The following DAB1 variants were observed in gnomAD, a reference collection of about 807,000 sequenced individuals.
DAB1 encodes the protein DAB adaptor protein 1, also known as disabled homolog 1.
In DAB1, 15 loss-of-function variants were observed where a neutral mutation model predicts 64.6. The observed-to-expected ratio is 0.23, with a 90% CI of 0.16 to 0.36. DAB1 has a LOEUF of 0.36. DAB1 is among the 10% of genes least tolerant of loss of function. DAB1 has a pLI of 1.00. For synonymous variants in DAB1, 235 were observed against 251.9 expected (o/e 0.93, Z 0.64); for missense variants, 596 against 706.7 (o/e 0.84, Z 1.78).
At chr1:57,154,794 A>G (rs553243093) in intron 2 of DAB1, among the ~76,000 whole-genome samples, 1 of 152,198 alleles carries the variant, frequency 6.6e-6, no homozygotes, top group African/African-American at 2.4e-5. Flanking sequence ...CTGATGATCA[A>G]TGACATTGAG....
At chr1:58,499,665 AAAGT>A (rs1329059701) in intron 3 of DAB1, among the ~76,000 whole-genome samples, 1 of 152,204 alleles carries the variant, frequency 6.6e-6, no homozygotes, top group African/African-American at 2.4e-5. Context: ...CTTGCCACAA[AAAGT>A]AAGTATGTGA....
At position 58,450,412 on chromosome 1, in the gene DAB1, C is replaced by G. The variant is rs368410534; in HGVS notation, n.257+55648G>C. Among the ~76,000 whole-genome samples, 19 of 152,214 alleles carry G rather than the reference C, an allele frequency of 1.2e-4. No individual in the cohort carries two copies. In the East Asian group the frequency reaches 3.1e-3, roughly 25 times the overall value. ...CCGGGAGGTGGAGCTCAATTTCTTT[C>G]CCCCCAATGTGTGGGCTGGATTTAG... On this transcript the variant is annotated intron_variant and non_coding_transcript_variant, in intron 3 of 20. Coordinates refer to the DAB1 transcript ENST00000485760.
chr1:57,806,377 C>T (rs949836286), intron 6 of DAB1, among the ~76,000 whole-genome samples: 1 of 152,164 alleles, frequency 6.6e-6, no homozygotes, highest in Non-Finnish European at 1.5e-5. Flanking sequence ...ATGAGACTGA[C>T]GTCCTTGTGA....
chr1:57,325,945 A>G (rs1676112332), intron 1 of DAB1, among the ~76,000 whole-genome samples: 1 of 152,158 alleles, frequency 6.6e-6, no homozygotes, highest in African/African-American at 2.4e-5. Flanking sequence ...TTGTTTCACA[A>G]ATGAATTCGA....
intron 7 of DAB1, among the ~76,000 whole-genome samples, chr1:57,532,070 C>T (rs996668070): frequency 6.6e-6 from 1 of 152,090 alleles, no homozygotes; most frequent in Non-Finnish European, 1.5e-5. Flanking sequence ...ATTCAATAGG[C>T]TTCTAAAATT....
chr1:57,694,451 C>G (rs1199614821), intron 6 of DAB1, among the ~76,000 whole-genome samples: 1 of 151,924 alleles, frequency 6.6e-6, no homozygotes. Context: ...TCACTGGTCA[C>G]GGCAGATAAT....
Position 57,416,216 on chromosome 1 carries a change from C to T in DAB1, c.-137+7714G>A, listed in dbSNP as rs1684481309. ...GACAATAAGAGAAGAAAATGTCACC[C>T]ACATATGACTTATGTTTAAGGTGAT... is the stretch of plus-strand genomic sequence containing the variant. On this transcript the variant is annotated intron_variant, in intron 1 of 14. Transcript: ENST00000371236. 8.5e-5 allele frequency among the ~76,000 whole-genome samples: 13 copies of T among 152,212 alleles called. No individual in the cohort carries two copies. In the South Asian group the frequency reaches 2.7e-3, roughly 32 times the overall value.
chr1:58,433,851 T>A (rs1201957505), intron 3 of DAB1, among the ~76,000 whole-genome samples: 1 of 152,062 alleles, frequency 6.6e-6, no homozygotes, highest in Non-Finnish European at 1.5e-5. Flanking sequence ...TATAAATTTT[T>A]TAGCACATAA....
intron 7 of DAB1, among the ~76,000 whole-genome samples, chr1:57,614,852 C>G (rs1054229967): frequency 9.2e-5 from 4 of 43,364 alleles, no homozygotes; most frequent in Non-Finnish European, 2.0e-4. Context: ...TTTTTGCCTT[C>G]TTTCTTTCTT....
At chr1:57,543,405 TC>T (rs967130539) in intron 7 of DAB1, among the ~76,000 whole-genome samples, 3 of 152,164 alleles carry the variant, frequency 2.0e-5, no homozygotes, top group African/African-American at 4.8e-5. Flanking sequence ...CACAATCATG[TC>T]CATCCGACTC....
chr1:57,409,146 G>T (rs1050586444), intron 1 of DAB1, among the ~76,000 whole-genome samples: 3 of 152,094 alleles, frequency 2.0e-5, no homozygotes, highest in African/African-American at 7.2e-5. Context: ...TCCTCCAAAG[G>T]TTCCACCTGC....
intron 5 of DAB1, among the ~76,000 whole-genome samples, chr1:57,998,591 C>CTT (rs1646462941): frequency 6.6e-6 from 1 of 151,956 alleles, no homozygotes; most frequent in African/African-American, 2.4e-5. Flanking sequence ...CTCAAACTTC[C>CTT]GACCTCAGGT....
chr1:57,691,459 G>A lies in DAB1; in HGVS notation n.552-41794C>T, dbSNP rs937712273. Among the ~76,000 whole-genome samples, 5 of 152,126 alleles carry A rather than the reference G, an allele frequency of 3.3e-5. No homozygotes were observed. The South Asian group carries it at 6.2e-4, about 19-fold the overall frequency. ...AAGCTGGCCACCCGAGACAGCAGCG[G>A]CAACCTGCTAAGGTCCCCTTCCATG... On this transcript the variant is annotated intron_variant and non_coding_transcript_variant, in intron 6 of 20. Coordinates refer to the DAB1 transcript ENST00000485760.
At chr1:57,192,922 T>A (rs197661) in intron 2 of DAB1, among the ~76,000 whole-genome samples, 24,787 of 152,174 alleles carry the variant, frequency 0.16, 2,546 homozygotes, top group Admixed American at 0.29. Flanking sequence ...TTTAATTTTT[T>A]AAAATTCATT....
intron 7 of DAB1, among the ~76,000 whole-genome samples, chr1:57,648,790 T>C (rs1291339738): frequency 1.3e-5 from 2 of 152,162 alleles, no homozygotes; most frequent in Non-Finnish European, 2.9e-5. Flanking sequence ...TTGTGGAGAA[T>C]AAGATTTCTG....
At chr1:57,851,906 C>T (rs1653541763) in intron 1 of DAB1, among the ~76,000 whole-genome samples, 1 of 152,174 alleles carries the variant, frequency 6.6e-6, no homozygotes, top group East Asian at 1.9e-4. Context: ...TATGTTGTCT[C>T]CTACTCTGAG....
chr1:58,265,714 C>T (rs1471257472), intron 4 of DAB1, among the ~76,000 whole-genome samples: 3 of 152,196 alleles, frequency 2.0e-5, no homozygotes, highest in Non-Finnish European at 2.9e-5. Context: ...GTCCATACTA[C>T]TTTGAATGGG....
At chr1:57,136,020 C>A (rs1004617215) in intron 4 of DAB1, among the ~76,000 whole-genome samples, 1 of 152,126 alleles carries the variant, frequency 6.6e-6, no homozygotes, top group African/African-American at 2.4e-5. Flanking sequence ...ACACAAACCA[C>A]TTCTTTGGTG....
At chr1:57,277,636 G>C (rs61306154) in intron 2 of DAB1, among the ~76,000 whole-genome samples, 2,278 of 152,272 alleles carry the variant, frequency 0.015, 64 homozygotes, top group African/African-American at 0.051. Flanking sequence ...AATGTCTTTA[G>C]CACATGCTTC....
Sources: allele counts gnomAD v4.1 joint callset (sites outside exome capture counted in the v4.1 genomes callset), GRCh38; gene constraint gnomAD v4.1.1; transcripts MANE v1.5; gene names NCBI Gene and HGNC (gene_info 2026-07-23, HGNC 2026-07-21).